The following AZIN2 variants were observed in gnomAD, a reference collection of about 807,000 sequenced individuals.
The protein encoded by AZIN2 is ODC antizyme inhibitor-2.
In AZIN2, 28 loss-of-function variants were observed where a neutral mutation model predicts 47.8. The ratio of observed to expected loss-of-function variants is 0.59; its 90% CI spans 0.43 to 0.80. The LOEUF is 0.80. AZIN2 is among the 30% of genes least tolerant of loss of function. The pLI, the probability that AZIN2 is intolerant of heterozygous loss-of-function variation, is 0.00. For missense variants in AZIN2, 535 were observed against 582.5 expected, an observed-to-expected ratio of 0.92 and a Z score of 0.84; for synonymous variants, 221 against 239.4, an observed-to-expected ratio of 0.92 and a Z score of 0.71.
rs1644792058 is a variant in AZIN2 at position 33,121,394 on chromosome 1, C to T, written c.*1212C>T. On this transcript the variant is annotated 3_prime_UTR_variant, in exon 12 of 12. Coordinates refer to ENST00000294517, the MANE Select transcript of AZIN2 (RefSeq NM_052998.4). ...CCTGGCCAACATGGCAAAACCCCGT[C>T]TCTACTAAAAATACAAAAATTAGCC... is the stretch of plus-strand genomic sequence containing the variant. Among the ~76,000 whole-genome samples the T allele has an allele frequency of 1.3e-5, 2 of 152,102 alleles. No individual in the cohort carries two copies. Among genetic ancestry groups the T allele is most frequent in the Non-Finnish European group, 2.9e-5 (2 of 68,014 alleles).
At chr1:33,129,452 A>G in the AZIN2 span, among the ~76,000 whole-genome samples, 5 of 152,356 alleles carry the variant, frequency 3.3e-5, no homozygotes, top group East Asian at 9.6e-4. The surrounding 1 kb of genome is among the most constrained non-coding windows in gnomAD (Gnocchi z 4.1). Flanking sequence ...ATCTTTTGAT[A>G]TAAAGAGTCA....
At chr1:33,115,049 T>C (rs186320452) in intron 10 of AZIN2, among the ~76,000 whole-genome samples, 52 of 152,338 alleles carry the variant, frequency 3.4e-4, no homozygotes, top group South Asian at 6.2e-4. Flanking sequence ...GTCAGACATA[T>C]GTGCCTTTGA....
At position 33,120,249 on chromosome 1, in the gene AZIN2, G is replaced by C. The variant is rs150339003; in HGVS notation, c.*67G>C. 6.5e-7 allele frequency: 1 copy of C among 1,538,986 alleles called. No homozygotes were observed. Among genetic ancestry groups the C allele is most frequent in the Non-Finnish European group, 8.8e-7 (1 of 1,139,006 alleles). ...AGATGCATCTGGGAGAGGTGGGGAA[G>C]ATGGCAGGCAAGGGTACCCTTGGCC... On this transcript the variant is annotated 3_prime_UTR_variant, in exon 12 of 12. Coordinates refer to ENST00000294517, the MANE Select transcript of AZIN2 (RefSeq NM_052998.4).
chr1:33,125,759 C>T (rs775545534), downstream of AZIN2, among the ~76,000 whole-genome samples: 2 of 152,042 alleles, frequency 1.3e-5, no homozygotes, highest in Non-Finnish European at 2.9e-5. Flanking sequence ...CCTTTCCTTT[C>T]CTGTAACATG....
chr1:33,096,027 G>A (rs1313805460), intron 8 of AZIN2, among the ~76,000 whole-genome samples: 6 of 152,040 alleles, frequency 3.9e-5, no homozygotes, highest in Non-Finnish European at 7.4e-5. Context: ...TAGTAGAGAC[G>A]GGGTTTCACC....
At chr1:33,086,894 G>A (rs1244777738) in intron 5 of AZIN2, among the ~76,000 whole-genome samples, 1 of 152,010 alleles carries the variant, frequency 6.6e-6, no homozygotes, top group African/African-American at 2.4e-5. Flanking sequence ...CTTTCCTTCA[G>A]TACTCCTTCC....
chr1:33,164,698 C>G, the AZIN2 span: 1 of 152,226 alleles, frequency 6.6e-6, no homozygotes, highest in Non-Finnish European at 1.5e-5. Context: ...GGAGATGATA[C>G]CAGGGCTGGG....
At position 33,093,337 on chromosome 1, in the gene AZIN2, A is replaced by G. The variant is rs781414065; in HGVS notation, c.508A>G (p.Lys170Glu). 3.1e-6 allele frequency: 5 copies of G among 1,613,910 alleles called. No individual in the cohort carries two copies. In the South Asian group the frequency reaches 5.5e-5, roughly 18 times the overall value. Reference sequence around the variant, plus strand: ...CCACTCCCTGAGCTGCCTGAGCCTAAAGTTTGGAGTGTCACTGAAATCCTG... The same window carrying G: ...CCACTCCCTGAGCTGCCTGAGCCTAGAGTTTGGAGTGTCACTGAAATCCTG... ...DSHSLSCLSL[K>E]FGVSLKSCRH... is the part of the protein sequence containing the mutation. Residue 170 changes from lysine (K) to glutamate (E), a missense_variant, in exon 7 of 12, where the codon AAG (lysine) becomes GAG (glutamate). Around this residue, in one of 3 missense-constraint regions of AZIN2, gnomAD observed 409 missense variants for 429.0 expected, o/e 0.95. Transcript: ENST00000294517.
chr1:33,145,735 A>C, the AZIN2 span: 1 of 386,368 alleles, frequency 2.6e-6, no homozygotes, highest in Non-Finnish European at 5.3e-6. Flanking sequence ...ACCTCTGGGC[A>C]GGGATAGAGC....
intron 11 of AZIN2, chr1:33,118,318 G>A: frequency 1.9e-6 from 1 of 519,894 alleles, no homozygotes; most frequent in Non-Finnish European, 3.2e-6. Flanking sequence ...ACAGCCCTGA[G>A]GGAGGCACAG....
chr1:33,160,320 G>A, the AZIN2 span, among the ~76,000 whole-genome samples: 1 of 152,134 alleles, frequency 6.6e-6, no homozygotes, highest in Admixed American at 6.5e-5. Context: ...GGGTAGGAGG[G>A]ATGAGGGAGC....
the AZIN2 span, chr1:33,165,643 G>A: frequency 8.4e-4 from 1,095 of 1,299,222 alleles, 10 homozygotes; most frequent in African/African-American, 0.015. The surrounding 1 kb of genome is among the most constrained non-coding windows in gnomAD (Gnocchi z 4.0). Context: ...ACTGCCAGGC[G>A]CTGGGGGTTA....
the AZIN2 span, among the ~76,000 whole-genome samples, chr1:33,132,251 A>G: frequency 6.6e-6 from 1 of 152,232 alleles, no homozygotes; most frequent in African/African-American, 2.4e-5. Context: ...TGAGCTCTCC[A>G]GTCTCTAGGG....
the AZIN2 span, among the ~76,000 whole-genome samples, chr1:33,137,381 G>A: frequency 6.6e-6 from 1 of 152,202 alleles, no homozygotes; most frequent in East Asian, 1.9e-4. Context: ...TAAATGAGAG[G>A]ACAGCCCATA....
intron 5 of AZIN2, among the ~76,000 whole-genome samples, chr1:33,085,705 A>G (rs1641815271): frequency 6.6e-6 from 1 of 152,156 alleles, no homozygotes; most frequent in South Asian, 2.1e-4. Context: ...CAGGGACCGA[A>G]TGTTAATGCC....
the AZIN2 span, among the ~76,000 whole-genome samples, chr1:33,153,394 G>C: frequency 6.6e-6 from 1 of 152,220 alleles, no homozygotes; most frequent in South Asian, 2.1e-4. Flanking sequence ...CTAGAGCAGT[G>C]GTTCTCAACT....
rs185018106 is a variant in AZIN2 at position 33,114,563 on chromosome 1, C to T, written c.1030-3339C>T. On this transcript the variant is annotated intron_variant, in intron 10 of 11. Transcript: ENST00000294517. The stretch of plus-strand genomic sequence containing the variant: ...AGAGACGGGGTTTCACCGTGTTAGC[C>T]AGGATGGTCTCGATTTCCTGACCTC... Among the ~76,000 whole-genome samples the T allele has an allele frequency of 4.8e-3, 722 of 151,516 alleles. 4 individuals carry two copies. The highest frequency in any genetic ancestry group is 0.016 in the African/African-American group (670 of 41,234).
chr1:33,165,730 C>T, the AZIN2 span: 2 of 497,024 alleles, frequency 4.0e-6, no homozygotes, highest in Non-Finnish European at 7.0e-6. This position sits in a 1 kb window ranked among gnomAD's most constrained non-coding sequence, Gnocchi z 4.0. Flanking sequence ...TAGAGTCTGT[C>T]TCCTAAACAC....
chr1:33,147,591 C>T, the AZIN2 span: 4 of 1,613,860 alleles, frequency 2.5e-6, no homozygotes, highest in South Asian at 1.1e-5. This position sits in a 1 kb window ranked among gnomAD's most constrained non-coding sequence, Gnocchi z 8.1. Flanking sequence ...CCAGCACCGA[C>T]ACCTCCACAT....
Sources: allele counts gnomAD v4.1 joint callset (sites outside exome capture counted in the v4.1 genomes callset), GRCh38; gene constraint gnomAD v4.1.1; regional missense constraint gnomAD v4.1.1; non-coding constraint Gnocchi (gnomAD v3.1); transcripts MANE v1.5; gene names NCBI Gene and HGNC (gene_info 2026-07-23, HGNC 2026-07-21).